Variants in ABI3BP observed in about 807,000 individuals in gnomAD.
ABI3BP encodes the protein target of Nesh-SH3.
Under a neutral mutation model 268.6 loss-of-function variants are expected in ABI3BP, and 216 were observed. That is an observed-to-expected ratio of 0.80 (90% CI 0.72 to 0.90). The LOEUF (loss-of-function observed/expected upper bound fraction) is 0.90. ABI3BP is among the 40% of genes least tolerant of loss of function. ABI3BP has a pLI of 0.00. For synonymous variants in ABI3BP, 730 were observed against 730.0 expected (o/e 1.00, Z 0.00); for missense variants, 2,090 against 2,182.4 (o/e 0.96, Z 0.84).
chr3:100,906,914 G>T (rs1264153509), intron 2 of ABI3BP, among the ~76,000 whole-genome samples: 1 of 152,116 alleles, frequency 6.6e-6, no homozygotes, highest in Non-Finnish European at 1.5e-5. Flanking sequence ...GCTTAGTTCT[G>T]CATGCAAAGT....
rs2098606110 is a variant in ABI3BP at position 100,837,142 on chromosome 3, C to T, written c.2113G>A (p.Ala705Thr). ...VSEPVPFETE[A>T]PSMTIVPTTD... ...TCATTACCTATGGTCATTGAGGGAG[C>T]TTCAGTTTCAAATGGAACAGGCTCA... The change falls in exon 27 of 68, where the codon GCT (alanine) becomes ACT (threonine). Residue 705 changes from alanine to threonine, a missense_variant. Coordinates refer to ENST00000471714, the MANE Select transcript of ABI3BP (RefSeq NM_001375547.2). 6.5e-7 allele frequency: 1 copy of T among 1,534,578 alleles called. No individual in the cohort carries two copies. Among genetic ancestry groups the T allele is most frequent in the Non-Finnish European group, 8.7e-7 (1 of 1,146,198 alleles).
chr3:100,880,370 C>A (rs1278677205), intron 6 of ABI3BP, among the ~76,000 whole-genome samples: 1 of 152,200 alleles, frequency 6.6e-6, no homozygotes. Flanking sequence ...CAAACCTCTA[C>A]CGCTTCTTCC....
In ABI3BP at chr3:100,834,739, A is replaced by C. The variant is rs766048566; in HGVS notation, c.2226T>G (p.Arg742=). 84 of 1,535,636 alleles carry C rather than the reference A, an allele frequency of 5.5e-5. 1 individual carries two copies. The South Asian group carries it at 1.0e-3, about 18-fold the overall frequency. Residue 742 remains arginine (R), a synonymous_variant, in exon 29 of 68, where the codon CGT becomes CGG. Coordinates refer to ENST00000471714, the MANE Select transcript of ABI3BP (RefSeq NM_001375547.2). ...PKTSQRTRTR[R]PRPKHKTTPR... The stretch of plus-strand genomic sequence containing the variant: ...GCGTGGTTTTATGTTTGGGACGTGG[A>C]CGACGTGTTCTTGTTCGTTGCGATG...
chr3:100,804,890 A>G (rs753433098), intron 50 of ABI3BP, 24 bp from the exon 51 acceptor site: 1 of 1,603,224 alleles, frequency 6.2e-7, no homozygotes, highest in Non-Finnish European at 8.5e-7. Flanking sequence ...CTCATATTGT[A>G]AGTCATTTGG....
chr3:100,865,373 A>G (rs1264250744), intron 10 of ABI3BP, among the ~76,000 whole-genome samples: 2 of 152,214 alleles, frequency 1.3e-5, no homozygotes, highest in African/African-American at 4.8e-5. Context: ...GAGCTACCAC[A>G]TTATAAGACT....
intron 1 of ABI3BP, among the ~76,000 whole-genome samples, chr3:100,979,386 GACAA>G (rs1180536328): frequency 6.6e-6 from 1 of 152,096 alleles, no homozygotes; most frequent in Non-Finnish European, 1.5e-5. Flanking sequence ...ATTCAGAGCT[GACAA>G]ACAGAGGTAA....
chr3:100,798,704 T>C (rs1330523505), intron 51 of ABI3BP, among the ~76,000 whole-genome samples: 1 of 150,880 alleles, frequency 6.6e-6, no homozygotes, highest in Non-Finnish European at 1.5e-5. Context: ...TAAACGTAAA[T>C]GAATGTGCAT....
intron 6 of ABI3BP, among the ~76,000 whole-genome samples, chr3:100,883,470 G>A (rs918042335): frequency 5.3e-5 from 8 of 151,924 alleles, no homozygotes; most frequent in Admixed American, 2.0e-4. Context: ...CCCATGAAAC[G>A]CCCAACAAAC....
chr3:100,923,606 G>A (rs1173269552), intron 2 of ABI3BP, among the ~76,000 whole-genome samples: 1 of 152,074 alleles, frequency 6.6e-6, no homozygotes, highest in Non-Finnish European at 1.5e-5. Context: ...AATAATCAGA[G>A]CATCAACTCA....
At position 100,815,051 on chromosome 3, in the gene ABI3BP, G is replaced by A. The variant is rs553006238; in HGVS notation, c.3289+861C>T. 1.5e-4 allele frequency among the ~76,000 whole-genome samples: 23 copies of A among 152,206 alleles called. No homozygotes were observed. In the South Asian group the frequency reaches 2.7e-3, roughly 18 times the overall value. ...TAAACCTTCTAAAACCTAAGCCATA[G>A]ATTTTCGTTATTTCAACTGAGAGGG... On this transcript the variant is annotated intron_variant, in intron 44 of 67. Coordinates refer to ENST00000471714, the MANE Select transcript of ABI3BP (RefSeq NM_001375547.2).
At chr3:100,820,147 C>G (rs1266278785) in intron 40 of ABI3BP, 73 bp downstream of exon 40, 5 of 1,291,540 alleles carry the variant, frequency 3.9e-6, no homozygotes, top group South Asian at 1.3e-5. Context: ...GCCATCACTC[C>G]CATCATTGGC....
chr3:100,976,569 A>G (rs62275199), intron 1 of ABI3BP, among the ~76,000 whole-genome samples: 15,717 of 152,190 alleles, frequency 0.1, 1,098 homozygotes, highest in Non-Finnish European at 0.15. Context: ...TTCTTTATTT[A>G]TTCTCTCATA....
intron 2 of ABI3BP, among the ~76,000 whole-genome samples, chr3:100,903,937 G>T (rs2051819427): frequency 1.3e-5 from 2 of 152,172 alleles, no homozygotes; most frequent in African/African-American, 4.8e-5. Flanking sequence ...CATTCATTCT[G>T]TTCCAGTCTC....
chr3:100,753,193 A>G (rs1040300545), intron 65 of ABI3BP, among the ~76,000 whole-genome samples: 4 of 152,190 alleles, frequency 2.6e-5, no homozygotes, highest in East Asian at 1.9e-4. Flanking sequence ...CTGGATGTAG[A>G]CAGTGTCATT....
Position 100,848,868 on chromosome 3 carries a change from C to T in ABI3BP, c.1509G>A (p.Gln503=), listed in dbSNP as rs1264607127. The T allele has an allele frequency of 6.2e-7, 1 of 1,612,208 alleles. No individual in the cohort carries two copies. The highest frequency in any genetic ancestry group is 8.5e-7 in the Non-Finnish European group (1 of 1,178,850). ...GTGTAGAAGGGATAGATGTAGTTTG[C>T]TGGGGAGCTGAAAGAAGATTTAATA... The part of the protein sequence containing the change: ...PEMQPTTPAP[Q]QTTSIPSTPK... The change falls in exon 18 of 68, where the codon CAG becomes CAA. Residue 503 remains glutamine (Q), a synonymous_variant. Transcript: ENST00000471714.
intron 1 of ABI3BP, among the ~76,000 whole-genome samples, chr3:100,991,546 C>A (rs1201136367): frequency 6.6e-6 from 1 of 152,136 alleles, no homozygotes; most frequent in Non-Finnish European, 1.5e-5. Context: ...CCAAACTCTA[C>A]CCATTGTAGG....
intron 64 of ABI3BP, 57 bp downstream of exon 64, chr3:100,754,555 A>G (rs2095517309): frequency 6.8e-7 from 1 of 1,479,514 alleles, no homozygotes; most frequent in African/African-American, 1.4e-5. Context: ...TACGCAAAAC[A>G]TTGCTCCACT....
At chr3:100,894,896 G>A (rs1218513244) in intron 4 of ABI3BP, among the ~76,000 whole-genome samples, 8 of 122,246 alleles carry the variant, frequency 6.5e-5, no homozygotes, top group Middle Eastern at 7.4e-3. Context: ...CCGAGATCGC[G>A]CCTCTGCACT....
intron 3 of ABI3BP, among the ~76,000 whole-genome samples, chr3:100,900,525 TA>T (rs2049815866): frequency 6.6e-6 from 1 of 152,216 alleles, no homozygotes; most frequent in Non-Finnish European, 1.5e-5. Context: ...TGTATAAAAA[TA>T]ATGCCATTTA....
Sources: gnomAD v4.1 joint callset for allele counts (sites outside exome capture counted in the v4.1 genomes callset) on GRCh38, gnomAD v4.1.1 for gene constraint, MANE v1.5 for transcripts, NCBI Gene and HGNC (gene_info 2026-07-23, HGNC 2026-07-21) for gene names.